The following S100PBP variants were observed in gnomAD, a reference collection of about 807,000 sequenced individuals.
S100PBP encodes the protein S100P-binding protein.
In S100PBP, 15 loss-of-function variants were observed where a neutral mutation model predicts 39.9. That is an observed-to-expected ratio of 0.38 (90% confidence interval 0.25 to 0.58). The LOEUF (loss-of-function observed/expected upper bound fraction) is 0.58, where lower values mean the gene tolerates loss of function less well. S100PBP is among the 20% of genes least tolerant of loss of function. The probability of loss-of-function intolerance (pLI) is 0.70; values close to 1 mark genes in which losing one functional copy is unlikely to be tolerated. For missense variants in S100PBP, 504 were observed against 487.3 expected, an observed-to-expected ratio of 1.03 and a Z score of -0.32; for synonymous variants, 178 against 180.3, an observed-to-expected ratio of 0.99 and a Z score of 0.10.
Position 32,822,706 on chromosome 1 carries a change from A to T in S100PBP, c.-119-2607A>T, listed in dbSNP as rs139848925. On this transcript the variant is annotated intron_variant, in intron 1 of 6. Coordinates refer to ENST00000373475, the MANE Select transcript of S100PBP (RefSeq NM_022753.4). Reference sequence around the variant, plus strand: ...AAATTAAAATTATCTCCTCCTCTCTATATATACCATATATATGGTATTGTT... The same window carrying T: ...AAATTAAAATTATCTCCTCCTCTCTTTATATACCATATATATGGTATTGTT... Among the ~76,000 whole-genome samples the T allele has an allele frequency of 3.1e-3, 473 of 151,822 alleles. 3 individuals carry two copies. Among genetic ancestry groups the T allele is most frequent in the Middle Eastern group, 0.01 (3 of 290 alleles).
At chr1:32,855,898 T>C in intron 6 of S100PBP, 26 bp from the exon 7 acceptor site, 1 of 1,545,506 alleles carries the variant, frequency 6.5e-7, no homozygotes, top group Non-Finnish European at 8.9e-7. Flanking sequence ...ATAGCCTTCC[T>C]GTTTGTACTC....
chr1:32,828,079 C>T lies in S100PBP; in HGVS notation c.918C>T (p.Thr306=), dbSNP rs1220032826. 1.3e-6 allele frequency: 2 copies of T among 1,569,096 alleles called. No homozygotes were observed. Among genetic ancestry groups the T allele is most frequent in the Non-Finnish European group, 1.8e-6 (2 of 1,140,688 alleles). The change falls in exon 4 of 7, where the codon ACC becomes ACT. Residue 306 remains threonine (T), a splice_region_variant and synonymous_variant. Transcript: ENST00000373475. ...TCATTCCTGTTCTACAAACTAAGAC[C>T]AGGTAATGTAAAGTATAATTAAATA... ...GKVIPVLQTK[T]RTNVPTFSQS... is the part of the protein sequence containing the mutation.
chr1:32,822,788 T>G (rs1376117394), intron 1 of S100PBP, among the ~76,000 whole-genome samples: 1 of 152,142 alleles, frequency 6.6e-6, no homozygotes, highest in Non-Finnish European at 1.5e-5. Context: ...AAAGCCCATT[T>G]TTTTGCATCT....
At chr1:32,851,207 A>T (rs1191559217) in intron 5 of S100PBP, among the ~76,000 whole-genome samples, 1 of 152,228 alleles carries the variant, frequency 6.6e-6, no homozygotes, top group Non-Finnish European at 1.5e-5. Context: ...GGCTTCAAAT[A>T]AATTACATTT....
intron 5 of S100PBP, among the ~76,000 whole-genome samples, chr1:32,840,444 C>T (rs923416711): frequency 1.3e-5 from 2 of 152,168 alleles, no homozygotes; most frequent in South Asian, 2.1e-4. Flanking sequence ...CAACCTCCCC[C>T]TCCTGGGTTC....
chr1:32,845,684 T>A (rs11579954), intron 5 of S100PBP, among the ~76,000 whole-genome samples: 15,626 of 118,590 alleles, frequency 0.13, 855 homozygotes, highest in Admixed American at 0.2. Flanking sequence ...TTTCATTTTC[T>A]TTTTTTTTTT....
intron 5 of S100PBP, among the ~76,000 whole-genome samples, chr1:32,851,164 A>G (rs1294093948): frequency 2.0e-5 from 3 of 152,212 alleles, no homozygotes; most frequent in South Asian, 4.1e-4. Context: ...CAAAGTATAC[A>G]GTATACTTTC....
At chr1:32,836,622 T>A in intron 5 of S100PBP, 1 of 867,888 alleles carries the variant, frequency 1.2e-6, no homozygotes, top group Non-Finnish European at 1.4e-6. Context: ...TTTCATTAAA[T>A]TTTTTTTTTG....
chr1:32,855,386 T>C (rs977958520), intron 6 of S100PBP, among the ~76,000 whole-genome samples: 2 of 152,206 alleles, frequency 1.3e-5, no homozygotes, highest in Non-Finnish European at 2.9e-5. Context: ...CATAACTAAA[T>C]GAGACTTTTA....
chr1:32,832,638 G>A (rs1167035703), intron 5 of S100PBP, among the ~76,000 whole-genome samples: 1 of 152,078 alleles, frequency 6.6e-6, no homozygotes, highest in East Asian at 1.9e-4. Flanking sequence ...CAAGGGCGGG[G>A]GTGGTATGTT....
chr1:32,830,732 T>C (rs1446009892), intron 5 of S100PBP, among the ~76,000 whole-genome samples: 1 of 152,156 alleles, frequency 6.6e-6, no homozygotes. Context: ...TTTATACTGA[T>C]AAAAGAATCA....
At chr1:32,840,378 C>A (rs1342293347) in intron 5 of S100PBP, among the ~76,000 whole-genome samples, 4 of 151,684 alleles carry the variant, frequency 2.6e-5, no homozygotes, top group Non-Finnish European at 5.9e-5. Context: ...TATTTTGAGG[C>A]AGAGTCTTGC....
chr1:32,845,110 C>T (rs1005048681), intron 5 of S100PBP, among the ~76,000 whole-genome samples: 39 of 150,226 alleles, frequency 2.6e-4, no homozygotes, highest in African/African-American at 8.8e-4. Context: ...CTGCAGGCTC[C>T]GCTCCCCAGG....
At position 32,830,027 on chromosome 1, in the gene S100PBP, T is replaced by G; in HGVS notation, c.984T>G (p.Ser328Arg). 1.2e-6 allele frequency: 2 copies of G among 1,613,746 alleles called. No homozygotes were observed. Among genetic ancestry groups the G allele is most frequent in the South Asian group, 1.1e-5 (1 of 91,072 alleles). The change falls in exon 5 of 7, where the codon AGT becomes AGG. Residue 328 changes from serine (S) to arginine (R), a missense_variant. Ser to Arg is a moderately radical substitution (Grantham distance 110). Coordinates refer to ENST00000373475, the MANE Select transcript of S100PBP (RefSeq NM_022753.4). ...AGCAGAAGCAGCTTTATCTCAGGAG[T>G]GTCATTGCTCATATAGAAGACCCAG... The part of the protein sequence containing the change: ...LEQQKQLYLR[S>R]VIAHIEDPED...
At chr1:32,840,632 C>T (rs1338508628) in intron 5 of S100PBP, among the ~76,000 whole-genome samples, 1 of 151,958 alleles carries the variant, frequency 6.6e-6, no homozygotes, top group Non-Finnish European at 1.5e-5. Context: ...GCTGGGATTA[C>T]AGGTGTGAGC....
At chr1:32,824,846 A>ATATATATATATATATATATATATATAT (rs1557482764) in intron 1 of S100PBP, 5 of 145,988 alleles carry the variant, frequency 3.4e-5, no homozygotes, top group African/African-American at 1.0e-4. Flanking sequence ...ATATATATAT[A>ATATATATATATATATATATATATATAT]AAGATTTGTG....
At chr1:32,846,788 T>C (rs1195985329) in intron 5 of S100PBP, 4 of 151,562 alleles carry the variant, frequency 2.6e-5, no homozygotes, top group South Asian at 2.1e-4. Context: ...ATCTTTCTTT[T>C]TTTTTTTTTT....
At chr1:32,846,097 C>T (rs926359738) in intron 5 of S100PBP, among the ~76,000 whole-genome samples, 2 of 150,708 alleles carry the variant, frequency 1.3e-5, no homozygotes, top group Non-Finnish European at 3.0e-5. Flanking sequence ...TCAAGCAATT[C>T]TCCTGCCTCA....
intron 1 of S100PBP, among the ~76,000 whole-genome samples, chr1:32,821,788 C>T (rs913531835): frequency 6.6e-6 from 1 of 152,096 alleles, no homozygotes; most frequent in Non-Finnish European, 1.5e-5. Context: ...GCCCGCGTCA[C>T]CATGCCCAGC....
Sources: gnomAD v4.1 joint callset for allele counts (sites outside exome capture counted in the v4.1 genomes callset) on GRCh38, gnomAD v4.1.1 for gene constraint, MANE v1.5 for transcripts, NCBI Gene and HGNC (gene_info 2026-07-23, HGNC 2026-07-21) for gene names.